Variants in CSF2RA observed in about 807,000 individuals in gnomAD.
The protein encoded by CSF2RA is colony stimulating factor 2 receptor subunit alpha, also known as granulocyte-macrophage colony-stimulating factor receptor subunit alpha.
CSF2RA carries 42 observed loss-of-function variants against 51.6 expected under a neutral mutation model. That is an observed-to-expected ratio of 0.81 (90% CI 0.64 to 1.05). CSF2RA has a LOEUF of 1.05. Ranked by LOEUF, CSF2RA falls within the 50% of genes least tolerant of loss-of-function variation. The pLI is 0.00. For synonymous variants in CSF2RA, 222 were observed against 193.0 expected (o/e 1.15, Z -1.24); for missense variants, 530 against 501.1 (o/e 1.06, Z -0.55).
intron 12 of CSF2RA, among the ~76,000 whole-genome samples, chrX:1,307,082 C>T (rs1299386675): frequency 3.9e-5 from 6 of 152,104 alleles, no homozygotes; most frequent in South Asian, 2.1e-4. Context: ...ACCCCATTGG[C>T]GCTCCTCTCC....
rs1253429572 is a variant in CSF2RA, at chrX:1,290,307, T to G, written c.474-30T>G. On this transcript the variant is annotated intron_variant, in intron 6 of 12. Transcript: ENST00000381529. The stretch of plus-strand genomic sequence containing the variant: ...TTTGTGTTTTGTTTTGTTTTCCTGA[T>G]TGCTCTCTGAGCACTTTCTAATCTT... 5 of 1,581,652 alleles carry G rather than the reference T, an allele frequency of 3.2e-6. No individual in the cohort carries two copies. In the South Asian group the frequency reaches 5.5e-5, roughly 18 times the overall value.
At chrX:1,304,734 G>A (rs151068661) in intron 11 of CSF2RA, among the ~76,000 whole-genome samples, 1,868 of 151,672 alleles carry the variant, frequency 0.012, 14 homozygotes, top group Middle Eastern at 0.048. Context: ...TTGCAATCTC[G>A]GCTCACTGCA....
intron 3 of CSF2RA, 63 bp from the exon 4 acceptor site, chrX:1,285,715 A>G (rs1366760479): frequency 7.7e-5 from 100 of 1,291,946 alleles, no homozygotes; most frequent in Non-Finnish European, 9.2e-5. Context: ...AAAAAAAAAA[A>G]AAAAAAAAAA....
chrX:1,316,476 C>A, the CSF2RA span, among the ~76,000 whole-genome samples: 4 of 152,272 alleles, frequency 2.6e-5, no homozygotes, highest in African/African-American at 9.6e-5. Flanking sequence ...GGGGCCATTC[C>A]AGGACCTGAG....
rs1363636247 is a variant in CSF2RA, at chrX:1,280,943, CCTG to C, written c.-26-1732_-26-1730del. On this transcript the variant is annotated intron_variant, in intron 2 of 12. Coordinates refer to ENST00000381529, the MANE Select transcript of CSF2RA (RefSeq NM_172245.4). ...TCCTCCTCCTTCTCCTCCTCCTCCT[CCTG>C]CTTCTCCTCCTCCTCCTTCTCCTCC... is the stretch of plus-strand genomic sequence containing the variant. Among the ~76,000 whole-genome samples, 268 of 57,046 alleles carry C rather than the reference CCTG, an allele frequency of 4.7e-3. 1 individual carries two copies. Among genetic ancestry groups the C allele is most frequent in the East Asian group, 8.0e-3 (8 of 1,000 alleles). The allele number at this position is 57,046 out of a possible 152,430, so 37.4% of individuals were successfully genotyped here.
intron 1 of CSF2RA, among the ~76,000 whole-genome samples, chrX:1,274,017 G>T (rs1160050087): frequency 6.6e-6 from 1 of 151,996 alleles, no homozygotes; most frequent in Non-Finnish European, 1.5e-5. Flanking sequence ...AAGCTTGGCG[G>T]CCTCTATTTT....
chrX:1,269,992 C>T (rs1198250177), intron 1 of CSF2RA, among the ~76,000 whole-genome samples: 1 of 151,736 alleles, frequency 6.6e-6, no homozygotes, highest in Non-Finnish European at 1.5e-5. Flanking sequence ...GCCTGTAATC[C>T]CAGCTACTTG....
At chrX:1,323,950 G>C in the CSF2RA span, among the ~76,000 whole-genome samples, 6 of 151,938 alleles carry the variant, frequency 3.9e-5, no homozygotes, top group Admixed American at 6.6e-5. Context: ...GGAGGCCGAG[G>C]TTGTGGTGAG....
chrX:1,316,725 C>G, the CSF2RA span, among the ~76,000 whole-genome samples: 6 of 152,332 alleles, frequency 3.9e-5, no homozygotes, highest in Non-Finnish European at 7.3e-5. Flanking sequence ...GCACCACCAC[C>G]TCCTACATCC....
the CSF2RA span, among the ~76,000 whole-genome samples, chrX:1,319,656 T>A: frequency 6.7e-6 from 1 of 148,894 alleles, no homozygotes. Flanking sequence ...GCTCCAGTGA[T>A]CCTCCTGCCT....
At chrX:1,281,841 T>C (rs1355858333) in intron 2 of CSF2RA, 2 of 147,894 alleles carry the variant, frequency 1.4e-5, no homozygotes, top group African/African-American at 5.0e-5. Context: ...TCCTCTTCTT[T>C]TTTTTTTTTT....
chrX:1,290,097 G>T (rs1180959528), intron 6 of CSF2RA, among the ~76,000 whole-genome samples: 1 of 102,480 alleles, frequency 9.8e-6, no homozygotes, highest in African/African-American at 3.7e-5. Context: ...TTTGTTTTGT[G>T]TTTGTTTTTG....
At position 1,279,892 on chromosome X, in the gene CSF2RA, C is replaced by T. The variant is rs1332264479; in HGVS notation, c.-26-2786C>T. On this transcript the variant is annotated intron_variant, in intron 2 of 12. Transcript: ENST00000381529. ...GCAGCCTCCACCTCCTGGGTTCAAG[C>T]GATTCTCCTGCCTCAACCTCCCGAG... is the stretch of plus-strand genomic sequence containing the variant. Among the ~76,000 whole-genome samples, 11 of 151,906 alleles carry T rather than the reference C, an allele frequency of 7.2e-5. No individual in the cohort carries two copies. In the East Asian group the frequency reaches 9.8e-4, roughly 13 times the overall value.
At chrX:1,286,443 T>TGC (rs1275180785) in intron 4 of CSF2RA, among the ~76,000 whole-genome samples, 2 of 147,456 alleles carry the variant, frequency 1.4e-5, no homozygotes. Context: ...GTGGCAGGCA[T>TGC]CTGTAATCCC....
chrX:1,312,928 G>A (rs1320163510), downstream of CSF2RA, among the ~76,000 whole-genome samples: 3 of 152,102 alleles, frequency 2.0e-5, no homozygotes, highest in Admixed American at 1.3e-4. Context: ...GCTCTTGGTG[G>A]GGAGAAGCGT....
the CSF2RA span, among the ~76,000 whole-genome samples, chrX:1,322,377 G>T: frequency 6.7e-6 from 1 of 149,702 alleles, no homozygotes; most frequent in Non-Finnish European, 1.5e-5. Context: ...CTCCCAAAGT[G>T]CTGGGATTAC....
the CSF2RA span, among the ~76,000 whole-genome samples, chrX:1,322,439 GTT>G: frequency 6.6e-5 from 8 of 120,700 alleles, no homozygotes; most frequent in South Asian, 2.9e-4. Flanking sequence ...GTGTGTGTTT[GTT>G]TTTTTTTTTT....
downstream of CSF2RA, among the ~76,000 whole-genome samples, chrX:1,314,948 TCTGTGCCTGCCCAACCCCA>T (rs1197616371): frequency 7.4e-3 from 260 of 35,030 alleles, 35 homozygotes; most frequent in Middle Eastern, 0.05. Context: ...GCCCAACCCC[TCTGTGCCTGCCCAACCCCA>T]CTGTGCCTGC....
At chrX:1,302,067 C>G (rs1374867854) in intron 10 of CSF2RA, among the ~76,000 whole-genome samples, 2 of 151,120 alleles carry the variant, frequency 1.3e-5, no homozygotes, top group East Asian at 3.9e-4. Flanking sequence ...CAGGCGCCCG[C>G]CACCACACCC....
Sources: gnomAD v4.1 joint callset for allele counts (sites outside exome capture counted in the v4.1 genomes callset) on GRCh38, gnomAD v4.1.1 for gene constraint, MANE v1.5 for transcripts, NCBI Gene and HGNC (gene_info 2026-07-23, HGNC 2026-07-21) for gene names.